The following RYR2 variants were observed in gnomAD, a reference collection of about 807,000 sequenced individuals.
RYR2 encodes ryanodine receptor 2, also known as cardiac muscle ryanodine receptor-calcium release channel.
A neutral mutation model predicts 601.1 loss-of-function variants in RYR2; 227 were observed. The observed-to-expected ratio is 0.38, with a 90% CI of 0.34 to 0.42. RYR2 has a LOEUF of 0.42. RYR2 is among the 10% of genes least tolerant of loss of function. RYR2 has a pLI of 1.00. For missense variants in RYR2, 4,646 were observed against 6,156.5 expected, an observed-to-expected ratio of 0.75 and a Z score of 8.21; for synonymous variants, 2,223 against 2,175.1, an observed-to-expected ratio of 1.02 and a Z score of -0.61.
At chr1:237,693,118 C>T (rs572181733) in intron 63 of RYR2, among the ~76,000 whole-genome samples, 3 of 152,060 alleles carry the variant, frequency 2.0e-5, no homozygotes, top group South Asian at 2.1e-4. Context: ...CTTACATTCA[C>T]GAATGACACA....
intron 29 of RYR2, among the ~76,000 whole-genome samples, chr1:237,575,348 A>C (rs1051052349): frequency 2.0e-5 from 3 of 152,152 alleles, no homozygotes; most frequent in Non-Finnish European, 4.4e-5. Context: ...GGTCTACTGC[A>C]TTTTACCAAA....
At chr1:237,591,338 G>A (rs1292218615) in intron 31 of RYR2, among the ~76,000 whole-genome samples, 1 of 151,974 alleles carries the variant, frequency 6.6e-6, no homozygotes, top group Non-Finnish European at 1.5e-5. Flanking sequence ...TTTTTAAGAT[G>A]TCTGTGTTTA....
rs576519267 is a variant in RYR2, at chr1:237,672,441, A to G, written c.8591-1655A>G. On this transcript the variant is annotated intron_variant, in intron 58 of 104. Coordinates refer to ENST00000366574, the MANE Select transcript of RYR2 (RefSeq NM_001035.3). ...GATTAAATTAGGGTGATGGAATTCA[A>G]TCCTTGATTTTAAAAAGATTTTTGC... is the stretch of plus-strand genomic sequence containing the variant. Among the ~76,000 whole-genome samples, 9 of 152,308 alleles carry G rather than the reference A, an allele frequency of 5.9e-5. No individual in the cohort carries two copies. The South Asian group carries it at 1.9e-3, about 32-fold the overall frequency.
chr1:237,704,936 A>G lies in RYR2; in HGVS notation c.9450-277A>G, dbSNP rs554298385. Among the ~76,000 whole-genome samples the G allele has an allele frequency of 2.0e-5, 3 of 152,314 alleles. No individual in the cohort carries two copies. In the South Asian group the frequency reaches 6.2e-4, roughly 32 times the overall value. ...AATCACTAATTGAAACAGAATTTTA[A>G]AGTGAATTAATGAAATAAAAGGACT... On this transcript the variant is annotated intron_variant, in intron 66 of 104. Transcript: ENST00000366574.
Position 237,819,421 on chromosome 1 carries a change from C to G in RYR2, c.14590+229C>G, listed in dbSNP as rs1662184762. Among the ~76,000 whole-genome samples the G allele has an allele frequency of 6.6e-6, 1 of 152,158 alleles. No individual in the cohort carries two copies. The highest frequency in any genetic ancestry group is 2.1e-4 in the South Asian group (1 of 4,828). ...TGTTATTTTGTCTTCTTTCAAATAA[C>G]ATAATGGAAAAGGCACTTTCCTTGG... On this transcript the variant is annotated intron_variant, in intron 101 of 104. Coordinates refer to ENST00000366574, the MANE Select transcript of RYR2 (RefSeq NM_001035.3). The surrounding 1 kb of genome is among the most constrained non-coding windows in gnomAD (Gnocchi z 4.0).
In RYR2 at chr1:237,819,068, T is replaced by C; in HGVS notation, c.14466T>C (p.Arg4822=). The change falls in exon 101 of 105, where the codon CGT becomes CGC. Residue 4822 remains arginine, a synonymous_variant. Transcript: ENST00000366574. This position sits in a 1 kb window ranked among gnomAD's most constrained non-coding sequence, Gnocchi z 4.0. ...TGTTCCACATGTATGTTGGAGTTCG[T>C]GCTGGAGGAGGGATCGGGGATGAAA... ...CYMFHMYVGV[R]AGGGIGDEIE... is the part of the protein sequence containing the mutation. 3 of 1,613,948 alleles carry C rather than the reference T, an allele frequency of 1.9e-6. No homozygotes were observed. Among genetic ancestry groups the C allele is most frequent in the Non-Finnish European group, 2.5e-6 (3 of 1,179,854 alleles).
Position 237,259,546 on chromosome 1 carries a change from A to AG in RYR2, c.49-10951_49-10950insG, listed in dbSNP as rs71585722. On this transcript the variant is annotated intron_variant, in intron 1 of 104. Transcript: ENST00000366574. Reference sequence around the variant, plus strand: ...AGACCATTTAAAAAAAAAAAAAAAAAAGAGAGACTACCGTCACCTTGTATA... The same window carrying AG: ...AGACCATTTAAAAAAAAAAAAAAAAAGAGAGAGACTACCGTCACCTTGTATA... Among the ~76,000 whole-genome samples the AG allele has an allele frequency of 1.8e-3, 255 of 143,786 alleles. 1 individual carries two copies. The highest frequency in any genetic ancestry group is 3.7e-3 in the Middle Eastern group (1 of 272). The allele number at this position is 143,786 out of a possible 152,430, so 94.3% of individuals were successfully genotyped here.
chr1:237,786,119 C>A, intron 91 of RYR2, 83 bp downstream of exon 91: 2 of 857,812 alleles, frequency 2.3e-6, no homozygotes, highest in Non-Finnish European at 3.7e-6. Context: ...TTGGGAGCTG[C>A]AAGGGAGAAT....
chr1:237,312,105 A>C (rs2149492993), intron 2 of RYR2, among the ~76,000 whole-genome samples: 1 of 152,320 alleles, frequency 6.6e-6, no homozygotes, highest in African/African-American at 2.4e-5. Flanking sequence ...TAGAGACAAT[A>C]GATTGTCAGG....
At position 237,180,087 on chromosome 1, in the gene RYR2, G is replaced by C. The variant is rs929076565; in HGVS notation, c.49-90410G>C. On this transcript the variant is annotated intron_variant, in intron 1 of 104. Coordinates refer to ENST00000366574, the MANE Select transcript of RYR2 (RefSeq NM_001035.3). The surrounding 1 kb of genome is among the most constrained non-coding windows in gnomAD (Gnocchi z 5.3). ...AGACCCGACTTACTGAGCCATGTCC[G>C]TGTCGTCCTGTTGGTAAGGGCTGTT... Among the ~76,000 whole-genome samples the C allele has an allele frequency of 6.6e-6, 1 of 152,016 alleles. No homozygotes were observed. Among genetic ancestry groups the C allele is most frequent in the Admixed American group, 6.5e-5 (1 of 15,278 alleles).
At chr1:237,502,799 A>C (rs1375510893) in intron 21 of RYR2, among the ~76,000 whole-genome samples, 1 of 151,906 alleles carries the variant, frequency 6.6e-6, no homozygotes, top group East Asian at 1.9e-4. Context: ...GAAATTGGAC[A>C]TTGAAAAGTG....
chr1:237,414,137 T>G (rs1034434930), intron 10 of RYR2, among the ~76,000 whole-genome samples: 5 of 152,192 alleles, frequency 3.3e-5, no homozygotes, highest in African/African-American at 4.8e-5. Context: ...AAAGGTCAAA[T>G]GTATTTAAAA....
intron 1 of RYR2, among the ~76,000 whole-genome samples, chr1:237,161,734 A>G (rs1676038328): frequency 6.6e-6 from 1 of 152,214 alleles, no homozygotes; most frequent in South Asian, 2.1e-4. Flanking sequence ...GTAAATAAAG[A>G]TACTATGTGC....
chr1:237,705,937 T>C (rs1688335072), intron 67 of RYR2, among the ~76,000 whole-genome samples: 1 of 152,136 alleles, frequency 6.6e-6, no homozygotes, highest in African/African-American at 2.4e-5. Context: ...GATAGATTCC[T>C]AAAGATAATC....
chr1:237,490,684 G>A (rs539559350), intron 17 of RYR2, among the ~76,000 whole-genome samples: 30 of 152,240 alleles, frequency 2.0e-4, no homozygotes, highest in Admixed American at 1.8e-3. Flanking sequence ...AAATCCTTTT[G>A]GCTGAATATA....
rs543817635 is a variant in RYR2, at chr1:237,432,843, A to C, written c.1006-8476A>C. 6.1e-5 allele frequency among the ~76,000 whole-genome samples: 9 copies of C among 148,666 alleles called. No individual in the cohort carries two copies. In the South Asian group the frequency reaches 1.9e-3, roughly 32 times the overall value. The stretch of plus-strand genomic sequence containing the variant: ...GCAAATTAATGCTTCTGGATAACTT[A>C]CTTCCTTTAGAATGCACAATACTCT... On this transcript the variant is annotated intron_variant, in intron 12 of 104. Coordinates refer to ENST00000366574, the MANE Select transcript of RYR2 (RefSeq NM_001035.3).
intron 56 of RYR2, among the ~76,000 whole-genome samples, chr1:237,666,206 G>T (rs1684313115): frequency 6.6e-6 from 1 of 152,120 alleles, no homozygotes; most frequent in African/African-American, 2.4e-5. Context: ...ATTTGGATTT[G>T]TAAGAAACTC....
intron 1 of RYR2, among the ~76,000 whole-genome samples, chr1:237,163,337 G>GCCCACCCCCAACCCCCTACCCCC (rs1676245954): frequency 2.0e-5 from 2 of 99,608 alleles, no homozygotes; most frequent in African/African-American, 6.3e-5. Flanking sequence ...AAAAAGTACC[G>GCCCACCCCCAACCCCCTACCCCC]CCCACCCCCA....
At chr1:237,237,030 A>G (rs999109190) in intron 1 of RYR2, among the ~76,000 whole-genome samples, 4 of 152,156 alleles carry the variant, frequency 2.6e-5, no homozygotes, top group Non-Finnish European at 4.4e-5. Flanking sequence ...GTGAGTGCCC[A>G]CAAGATCTGA....
Sources: gnomAD v4.1 joint callset for allele counts (sites outside exome capture counted in the v4.1 genomes callset) on GRCh38, gnomAD v4.1.1 for gene constraint, Gnocchi (gnomAD v3.1) non-coding constraint, MANE v1.5 for transcripts, NCBI Gene and HGNC (gene_info 2026-07-23, HGNC 2026-07-21) for gene names.